PPHLN1: variants seen among roughly 807,000 people sequenced by gnomAD.
PPHLN1 encodes periphilin 1.
Under a neutral mutation model 51.3 loss-of-function variants are expected in PPHLN1, and 29 were observed. The ratio of observed to expected loss-of-function variants is 0.57; its 90% CI spans 0.42 to 0.77. PPHLN1 has a LOEUF of 0.77. PPHLN1 is among the 30% of genes least tolerant of loss of function. The pLI, the probability that PPHLN1 is intolerant of heterozygous loss-of-function variation, is 0.00. For missense variants in PPHLN1, 436 were observed against 438.4 expected (o/e 0.99, Z 0.05); for synonymous variants, 147 against 147.8 (o/e 0.99, Z 0.04).
rs1427368692 is a variant in PPHLN1, at chr12:42,366,080, A to C, written c.300-8783A>C. ...AGTATTAAAAATATGTCCAGACTTT[A>C]ATATACTGTTTCTCTATTTAGCATG... On this transcript the variant is annotated intron_variant, in intron 4 of 9. Coordinates refer to ENST00000358314, the MANE Select transcript of PPHLN1 (RefSeq NM_201439.2). Among the ~76,000 whole-genome samples, 4 of 152,118 alleles carry C rather than the reference A, an allele frequency of 2.6e-5. No homozygotes were observed. In the East Asian group the frequency reaches 7.7e-4, roughly 29 times the overall value.
chr12:42,348,634 T>C lies in PPHLN1; in HGVS notation c.73-3251T>C, dbSNP rs117941786. 3.9e-3 allele frequency among the ~76,000 whole-genome samples: 601 copies of C among 152,320 alleles called. 5 individuals carry two copies. The highest frequency in any genetic ancestry group is 6.7e-3 in the Non-Finnish European group (457 of 68,022). On this transcript the variant is annotated intron_variant, in intron 2 of 9. Coordinates refer to ENST00000358314, the MANE Select transcript of PPHLN1 (RefSeq NM_201439.2). Reference sequence around the variant, plus strand: ...TAAGCTCTCTATTCATAGAAGTGTTTAGGCATGCATAGTCACCCCACCATC... The same window carrying C: ...TAAGCTCTCTATTCATAGAAGTGTTCAGGCATGCATAGTCACCCCACCATC...
intron 9 of PPHLN1, among the ~76,000 whole-genome samples, chr12:42,404,612 G>C (rs867806795): frequency 1.2e-4 from 18 of 152,336 alleles, no homozygotes; most frequent in African/African-American, 4.3e-4. Context: ...TTTCTGGTCA[G>C]TGTCAAGGTT....
intron 4 of PPHLN1, among the ~76,000 whole-genome samples, chr12:42,360,339 G>T (rs929553326): frequency 1.4e-5 from 2 of 139,634 alleles, no homozygotes; most frequent in African/African-American, 2.6e-5. Flanking sequence ...TACAGGGCAA[G>T]TTTTTTTTTT....
Position 42,365,487 on chromosome 12 carries a change from CTG to C in PPHLN1, c.300-9375_300-9374del, listed in dbSNP as rs528709834. ...ACCGGTGAACATATGTCTGCTGACA[CTG>C]AGGGTTCTATCACCGCTTACCTGGT... On this transcript the variant is annotated intron_variant, in intron 4 of 9. Coordinates refer to ENST00000358314, the MANE Select transcript of PPHLN1 (RefSeq NM_201439.2). Among the ~76,000 whole-genome samples the C allele has an allele frequency of 3.3e-4, 51 of 152,256 alleles. 1 individual carries two copies. In the East Asian group the frequency reaches 9.3e-3, roughly 28 times the overall value.
intron 5 of PPHLN1, among the ~76,000 whole-genome samples, chr12:42,381,187 T>A (rs1333871137): frequency 6.6e-6 from 1 of 152,238 alleles, no homozygotes; most frequent in African/African-American, 2.4e-5. Flanking sequence ...CATATTCTTC[T>A]TGTTTGAGGA....
chr12:42,441,180 G>A, intron 9 of PPHLN1, 135 bp from the exon 10 acceptor site: 1 of 1,243,044 alleles, frequency 8.0e-7, no homozygotes, highest in Non-Finnish European at 1.1e-6. Context: ...GACAATGCAA[G>A]GGCGAGAAAG....
intron 5 of PPHLN1, among the ~76,000 whole-genome samples, chr12:42,378,451 G>A (rs899879205): frequency 5.9e-5 from 9 of 151,872 alleles, no homozygotes; most frequent in Non-Finnish European, 1.2e-4. Flanking sequence ...GAGACACGGG[G>A]TTCTGCACTT....
At chr12:42,417,301 C>T (rs1391248116) in intron 9 of PPHLN1, among the ~76,000 whole-genome samples, 1 of 151,992 alleles carries the variant, frequency 6.6e-6, no homozygotes, top group Non-Finnish European at 1.5e-5. Context: ...CTTGAAAATT[C>T]GGAGAAACAC....
intron 9 of PPHLN1, among the ~76,000 whole-genome samples, chr12:42,412,608 TGA>T (rs1436022509): frequency 6.6e-6 from 1 of 152,154 alleles, no homozygotes; most frequent in Non-Finnish European, 1.5e-5. Flanking sequence ...CATGTCTTTT[TGA>T]TATAATGACT....
intron 9 of PPHLN1, among the ~76,000 whole-genome samples, chr12:42,415,777 A>G (rs567636248): frequency 1.3e-5 from 2 of 152,358 alleles, no homozygotes; most frequent in East Asian, 3.9e-4. Context: ...TTGAGGCAGA[A>G]GAATTTTCTG....
At chr12:42,369,387 G>A (rs1040716411) in intron 4 of PPHLN1, among the ~76,000 whole-genome samples, 4 of 152,110 alleles carry the variant, frequency 2.6e-5, no homozygotes, top group Non-Finnish European at 4.4e-5. Context: ...AGATTCCATA[G>A]TTTTGCTTTC....
chr12:42,344,514 T>G, intron 2 of PPHLN1, among the ~76,000 whole-genome samples: 1 of 152,170 alleles, frequency 6.6e-6, no homozygotes, highest in South Asian at 2.1e-4. Flanking sequence ...TATGTGTTGC[T>G]AGAAGATAAA....
intron 9 of PPHLN1, among the ~76,000 whole-genome samples, chr12:42,415,827 A>G (rs1430705772): frequency 6.6e-6 from 1 of 152,244 alleles, no homozygotes; most frequent in Non-Finnish European, 1.5e-5. Flanking sequence ...TTCATTTTAC[A>G]TGTTTAAAAA....
chr12:42,411,101 A>G (rs2079768959), intron 9 of PPHLN1, among the ~76,000 whole-genome samples: 2 of 151,792 alleles, frequency 1.3e-5, no homozygotes, highest in African/African-American at 2.4e-5. Flanking sequence ...TCCTATTTTT[A>G]TGTCCTCCAG....
chr12:42,373,431 G>T (rs2075980145), intron 4 of PPHLN1, among the ~76,000 whole-genome samples: 1 of 152,132 alleles, frequency 6.6e-6, no homozygotes, highest in Non-Finnish European at 1.5e-5. Flanking sequence ...TATATTTGGG[G>T]TATTAATCAG....
chr12:42,402,662 T>A (rs1446491728), intron 9 of PPHLN1, among the ~76,000 whole-genome samples: 1 of 149,918 alleles, frequency 6.7e-6, no homozygotes, highest in Non-Finnish European at 1.5e-5. Context: ...AACTATAGAA[T>A]TTTAAGTTTT....
At chr12:42,433,143 G>A (rs2082186680) in intron 9 of PPHLN1, 5 of 773,034 alleles carry the variant, frequency 6.5e-6, no homozygotes, top group Non-Finnish European at 1.2e-5. Context: ...GTCACAAGCA[G>A]TATATTCAAT....
intron 9 of PPHLN1, among the ~76,000 whole-genome samples, chr12:42,435,903 T>C (rs2139931891): frequency 6.6e-6 from 1 of 152,332 alleles, no homozygotes; most frequent in South Asian, 2.1e-4. Flanking sequence ...GTGATGAAAA[T>C]GTTTTATATC....
At chr12:42,432,233 G>T in intron 9 of PPHLN1, 1 of 785,144 alleles carries the variant, frequency 1.3e-6, no homozygotes, top group Non-Finnish European at 2.4e-6. Flanking sequence ...CTTAGAATTT[G>T]TACCATAACT....
Sources: allele counts gnomAD v4.1 joint callset (sites outside exome capture counted in the v4.1 genomes callset), GRCh38; gene constraint gnomAD v4.1.1; transcripts MANE v1.5; gene names NCBI Gene and HGNC (gene_info 2026-07-23, HGNC 2026-07-21).